Variants in TENM1 observed in about 807,000 individuals in gnomAD.
TENM1 encodes the protein teneurin-1.
A neutral mutation model predicts 174.8 loss-of-function variants in TENM1; 35 were observed. The observed-to-expected ratio is 0.20, with a 90% CI of 0.15 to 0.27. The LOEUF is 0.27. Ranked by LOEUF, TENM1 falls within the 10% of genes least tolerant of loss-of-function variation. The pLI, the probability that TENM1 is intolerant of heterozygous loss-of-function variation, is 1.00. For synonymous variants in TENM1, 781 were observed against 798.7 expected, an observed-to-expected ratio of 0.98 and a Z score of 0.37; for missense variants, 1,633 against 2,130.1, an observed-to-expected ratio of 0.77 and a Z score of 4.59.
chrX:124,974,834 G>C, the TENM1 span, among the ~76,000 whole-genome samples: 22,666 of 92,682 alleles, frequency 0.24, 3,254 homozygotes, highest in African/African-American at 0.26. Context: ...GACTCCAAAT[G>C]TACCCCATAG....
intron 22 of TENM1, among the ~76,000 whole-genome samples, chrX:124,461,342 CA>C (rs1458420277): frequency 9.0e-6 from 1 of 111,572 alleles, no homozygotes; most frequent in Non-Finnish European, 1.9e-5. Context: ...GAAGGTCCCT[CA>C]AAAAACTAAA....
intron 3 of TENM1, among the ~76,000 whole-genome samples, chrX:124,759,937 A>G (rs1213911320): frequency 8.9e-6 from 1 of 111,899 alleles, no homozygotes; most frequent in Admixed American, 9.5e-5. Flanking sequence ...GACAGTCAAG[A>G]GTCCCCGGCA....
chrX:124,455,813 G>C (rs2061098571), intron 22 of TENM1, among the ~76,000 whole-genome samples: 1 of 111,389 alleles, frequency 9.0e-6, no homozygotes, highest in Non-Finnish European at 1.9e-5. Context: ...TTATGAGGAG[G>C]TAGTAAACTT....
At chrX:124,551,911 T>C (rs1423965168) in intron 14 of TENM1, among the ~76,000 whole-genome samples, 1 of 112,124 alleles carries the variant, frequency 8.9e-6, no homozygotes, top group Non-Finnish European at 1.9e-5. Context: ...CCCCTTTTAT[T>C]GAAGTTGCCT....
At position 124,835,404 on chromosome X, in the gene TENM1, A is replaced by G. The variant is rs762288197; in HGVS notation, c.535+58892T>C. ...CCCAGCCTTGACCTCTCATCTGTGA[A>G]ATGCTGCCCAGTGAGCAGATCATAA... On this transcript the variant is annotated intron_variant, in intron 3 of 31. Transcript: ENST00000422452. Among the ~76,000 whole-genome samples, 4 of 112,345 alleles carry G rather than the reference A, an allele frequency of 3.6e-5. No homozygotes were observed. The East Asian group carries it at 1.1e-3, about 31-fold the overall frequency.
chrX:125,079,367 T>C, the TENM1 span, among the ~76,000 whole-genome samples: 1 of 111,840 alleles, frequency 8.9e-6, no homozygotes, highest in South Asian at 3.7e-4. Flanking sequence ...ACAGCCTGTT[T>C]CATTGTCCAT....
chrX:125,145,164 G>A, the TENM1 span, among the ~76,000 whole-genome samples: 5 of 111,621 alleles, frequency 4.5e-5, no homozygotes, highest in Non-Finnish European at 7.5e-5. Flanking sequence ...ATCTCCCACA[G>A]AAAATCTGGG....
chrX:125,005,189 TACACACACACACACACACACAC>T, the TENM1 span, among the ~76,000 whole-genome samples: 1 of 88,788 alleles, frequency 1.1e-5, no homozygotes, highest in Non-Finnish European at 2.2e-5. Context: ...GATGTATACA[TACACACACACACACACACACAC>T]ACACACACAC....
chrX:124,750,917 A>G (rs1269283476), intron 3 of TENM1, among the ~76,000 whole-genome samples: 1 of 112,646 alleles, frequency 8.9e-6, no homozygotes, highest in Non-Finnish European at 1.9e-5. Flanking sequence ...AAATCTATGT[A>G]GTGGGTTATT....
rs1018946246 is a variant in TENM1 at position 124,407,737 on chromosome X, CGT to C, written c.4983-1250_4983-1249del. Among the ~76,000 whole-genome samples the C allele has an allele frequency of 9.8e-5, 11 of 112,687 alleles. No individual in the cohort carries two copies. In the East Asian group the frequency reaches 1.4e-3, roughly 14 times the overall value. ...AAGTTCAGTTCTGCATATACACGTG[CGT>C]GTGTGCACACACACATATATATTAT... On this transcript the variant is annotated intron_variant, in intron 25 of 31. Coordinates refer to ENST00000422452, the Ensembl canonical transcript of TENM1.
At chrX:124,970,263 T>C in the TENM1 span, among the ~76,000 whole-genome samples, 4 of 111,697 alleles carry the variant, frequency 3.6e-5, no homozygotes, top group East Asian at 8.5e-4. Context: ...CAGATGCTTA[T>C]AGTTTGGAAC....
chrX:124,405,204 C>T (rs747195272), exon 27 of TENM1: 7 of 1,211,646 alleles, frequency 5.8e-6, no homozygotes, highest in Non-Finnish European at 7.8e-6. Context: ...ATCTCCATCC[C>T]GCTGGCAAAA....
intron 20 of TENM1, among the ~76,000 whole-genome samples, chrX:124,494,179 G>A (rs1253298475): frequency 1.2e-4 from 13 of 112,083 alleles, no homozygotes; most frequent in Non-Finnish European, 2.4e-4. Flanking sequence ...GACTTTTCAT[G>A]TGTTTTAATT....
chrX:124,947,831 A>G (rs1230036006), intron 1 of TENM1, among the ~76,000 whole-genome samples: 1 of 111,905 alleles, frequency 8.9e-6, no homozygotes, highest in African/African-American at 3.2e-5. Flanking sequence ...TATACTTTTT[A>G]TGAGCTACCA....
chrX:124,921,706 T>G (rs1469531213), intron 1 of TENM1, among the ~76,000 whole-genome samples: 2 of 110,696 alleles, frequency 1.8e-5, no homozygotes, highest in African/African-American at 6.6e-5. Flanking sequence ...TCACTCCCAC[T>G]CCTGTGTTTT....
chrX:124,660,455 G>A (rs973468559), intron 6 of TENM1, among the ~76,000 whole-genome samples: 2 of 111,156 alleles, frequency 1.8e-5, no homozygotes, highest in African/African-American at 6.5e-5. Context: ...CAGAATGGGA[G>A]AAAACATTTG....
At chrX:124,575,888 TA>T (rs1283691838) in intron 11 of TENM1, among the ~76,000 whole-genome samples, 1 of 111,866 alleles carries the variant, frequency 8.9e-6, no homozygotes, top group African/African-American at 3.2e-5. Context: ...TACTCATTTG[TA>T]GCTACAGACT....
intron 11 of TENM1, among the ~76,000 whole-genome samples, chrX:124,612,943 G>C (rs181175327): frequency 1.8e-5 from 2 of 111,400 alleles, no homozygotes; most frequent in Non-Finnish European, 3.8e-5. Context: ...GCAGATTAGT[G>C]AATCAATTTA....
At chrX:124,516,191 C>G (rs1444936612) in intron 18 of TENM1, among the ~76,000 whole-genome samples, 1 of 111,596 alleles carries the variant, frequency 9.0e-6, no homozygotes, top group Non-Finnish European at 1.9e-5. Context: ...ACCATATACA[C>G]AAATCAACTC....
Sources: gnomAD v4.1 joint callset for allele counts (sites outside exome capture counted in the v4.1 genomes callset) on GRCh38, gnomAD v4.1.1 for gene constraint, MANE v1.5 for transcripts, NCBI Gene and HGNC (gene_info 2026-07-23, HGNC 2026-07-21) for gene names.